Variants in ZNF423 observed in about 807,000 individuals in gnomAD.
ZNF423 encodes Ebf-associated zinc finger protein.
ZNF423 carries 12 observed loss-of-function variants against 95.8 expected under a neutral mutation model. That is an observed-to-expected ratio of 0.13 (90% CI 0.08 to 0.20). ZNF423 has a LOEUF of 0.20. ZNF423 is among the 10% of genes least tolerant of loss of function. ZNF423 has a pLI of 1.00. For synonymous variants in ZNF423, 749 were observed against 711.9 expected (o/e 1.05, Z -0.83); for missense variants, 1,316 against 1,737.1 (o/e 0.76, Z 4.31).
chr16:49,541,423 G>A (rs1969241950), intron 5 of ZNF423, among the ~76,000 whole-genome samples: 1 of 152,134 alleles, frequency 6.6e-6, no homozygotes, highest in South Asian at 2.1e-4. Flanking sequence ...ATGCTATTTT[G>A]GTTAAGAAAG....
chr16:49,675,004 T>A (rs2030986221), intron 3 of ZNF423, among the ~76,000 whole-genome samples: 1 of 152,098 alleles, frequency 6.6e-6, no homozygotes, highest in Non-Finnish European at 1.5e-5. Flanking sequence ...AGCAGGCAAC[T>A]GAACAGCCGC....
At chr16:49,602,804 G>C (rs1459614282) in intron 5 of ZNF423, among the ~76,000 whole-genome samples, 4 of 152,188 alleles carry the variant, frequency 2.6e-5, no homozygotes, top group Non-Finnish European at 5.9e-5. Flanking sequence ...TCCAAACCGA[G>C]CACAAGAGAC....
chr16:49,744,655 G>A (rs2033485824), intron 2 of ZNF423, among the ~76,000 whole-genome samples: 1 of 152,166 alleles, frequency 6.6e-6, no homozygotes, highest in African/African-American at 2.4e-5. Flanking sequence ...TAGGACCCCT[G>A]GATTCACATT....
At chr16:49,803,322 T>A (rs1029364544) in intron 1 of ZNF423, among the ~76,000 whole-genome samples, 1 of 152,116 alleles carries the variant, frequency 6.6e-6, no homozygotes, top group Admixed American at 6.6e-5. Flanking sequence ...CTGAGTCCCA[T>A]CACAGGAGGC....
intron 5 of ZNF423, among the ~76,000 whole-genome samples, chr16:49,576,901 C>G (rs974558344): frequency 3.9e-5 from 6 of 152,174 alleles, no homozygotes; most frequent in Admixed American, 2.0e-4. Flanking sequence ...TAGTTTAATA[C>G]TATTCAATGA....
intron 3 of ZNF423, among the ~76,000 whole-genome samples, chr16:49,662,875 G>A (rs1379675965): frequency 6.6e-6 from 1 of 152,218 alleles, no homozygotes; most frequent in Non-Finnish European, 1.5e-5. Flanking sequence ...CCCACGTGGG[G>A]CTCAGTGTGA....
rs536262515 is a variant in ZNF423, at chr16:49,706,668, G to A, written c.301+24103C>T. Among the ~76,000 whole-genome samples the A allele has an allele frequency of 1.8e-4, 28 of 152,328 alleles. No homozygotes were observed. In the East Asian group the frequency reaches 3.9e-3, roughly 21 times the overall value. On this transcript the variant is annotated intron_variant, in intron 3 of 7. Transcript: ENST00000563137. ...TATCATCCATTCATAAAAAATACAA[G>A]AGCAACATGGAAGAAAAATAGGTCA...
intron 5 of ZNF423, among the ~76,000 whole-genome samples, chr16:49,542,820 A>G (rs1969300907): frequency 6.6e-6 from 1 of 152,176 alleles, no homozygotes; most frequent in East Asian, 1.9e-4. Context: ...GGGGGTGGGG[A>G]GGAGCCAGGT....
chr16:49,755,820 C>T (rs556205820), intron 2 of ZNF423, among the ~76,000 whole-genome samples: 2 of 152,254 alleles, frequency 1.3e-5, no homozygotes, highest in East Asian at 1.9e-4. Flanking sequence ...TAATAAAATG[C>T]CCAAAGGACT....
Position 49,635,562 on chromosome 16 carries a change from T to A in ZNF423, c.3516+98A>T. ...TTTTGCCACTGCGCGATAGCGCCGCTTCTTGGAAACACGGCACTCAGGGTA... is the reference window on the plus strand; with the variant it reads ...TTTTGCCACTGCGCGATAGCGCCGCATCTTGGAAACACGGCACTCAGGGTA... On this transcript the variant is annotated intron_variant, in intron 4 of 7. Transcript: ENST00000563137. This position sits in a 1 kb window ranked among gnomAD's most constrained non-coding sequence, Gnocchi z 4.8. The A allele has an allele frequency of 2.1e-6, 3 of 1,454,634 alleles. 1 individual carries two copies. The South Asian group carries it at 4.4e-5, about 22-fold the overall frequency. The allele number at this position is 1,454,634 out of a possible 1,614,324, so 90.1% of individuals were successfully genotyped here.
intron 3 of ZNF423, among the ~76,000 whole-genome samples, chr16:49,659,095 G>A (rs1180149624): frequency 2.6e-5 from 4 of 152,144 alleles, no homozygotes; most frequent in African/African-American, 9.7e-5. Flanking sequence ...GGTGGTTTGG[G>A]TTTTTAAATT....
At chr16:49,569,935 G>T (rs929929315) in intron 5 of ZNF423, among the ~76,000 whole-genome samples, 1 of 152,184 alleles carries the variant, frequency 6.6e-6, no homozygotes, top group Non-Finnish European at 1.5e-5. Flanking sequence ...TGGCAGGGGC[G>T]TAAGCAACTT....
At chr16:49,500,280 A>C (rs1967342183) in intron 7 of ZNF423, among the ~76,000 whole-genome samples, 1 of 152,160 alleles carries the variant, frequency 6.6e-6, no homozygotes, top group Non-Finnish European at 1.5e-5. Context: ...CAGCAGATTC[A>C]GGACTGAAAA....
chr16:49,828,381 T>G (rs1054719540), intron 1 of ZNF423, among the ~76,000 whole-genome samples: 1 of 152,252 alleles, frequency 6.6e-6, no homozygotes, highest in African/African-American at 2.4e-5. Context: ...TAACTTGTGA[T>G]GGCTTTATGC....
intron 3 of ZNF423, among the ~76,000 whole-genome samples, chr16:49,655,954 A>G (rs150216821): frequency 1.8e-4 from 28 of 152,230 alleles, no homozygotes; most frequent in African/African-American, 6.7e-4. Context: ...GGTTTTGTTC[A>G]TCGGGTCCAG....
At chr16:49,512,190 C>G (rs1474194821) in intron 7 of ZNF423, among the ~76,000 whole-genome samples, 1 of 152,232 alleles carries the variant, frequency 6.6e-6, no homozygotes, top group East Asian at 1.9e-4. Flanking sequence ...CTATGCACAG[C>G]TGGCACAGAT....
intron 3 of ZNF423, among the ~76,000 whole-genome samples, chr16:49,707,534 T>G (rs563849506): frequency 1.3e-5 from 2 of 151,574 alleles, no homozygotes; most frequent in Non-Finnish European, 2.9e-5. Context: ...GGAGAATCAT[T>G]TGAACCCAGG....
chr16:49,773,693 G>T (rs1010889432), intron 2 of ZNF423, among the ~76,000 whole-genome samples: 1 of 152,236 alleles, frequency 6.6e-6, no homozygotes, highest in Non-Finnish European at 1.5e-5. Context: ...CTGTGCTATA[G>T]TGCAGCTCTG....
At chr16:49,516,681 C>T (rs908746487) in intron 7 of ZNF423, among the ~76,000 whole-genome samples, 2 of 152,232 alleles carry the variant, frequency 1.3e-5, no homozygotes, top group Non-Finnish European at 2.9e-5. Flanking sequence ...ACAGTTTTCC[C>T]GCATACTGCA....
Sources: gnomAD v4.1 joint callset for allele counts (sites outside exome capture counted in the v4.1 genomes callset) on GRCh38, gnomAD v4.1.1 for gene constraint, Gnocchi (gnomAD v3.1) non-coding constraint, MANE v1.5 for transcripts, NCBI Gene and HGNC (gene_info 2026-07-23, HGNC 2026-07-21) for gene names.